Variants in HSPG2 observed in about 807,000 individuals in gnomAD.
The protein encoded by HSPG2 is basement membrane-specific heparan sulfate proteoglycan core protein.
A neutral mutation model predicts 526.6 loss-of-function variants in HSPG2; 278 were observed. The ratio of observed to expected loss-of-function variants is 0.53; its 90% CI spans 0.48 to 0.58. The LOEUF (loss-of-function observed/expected upper bound fraction) is 0.58. HSPG2 is among the 20% of genes least tolerant of loss of function. HSPG2 has a pLI of 0.00. For synonymous variants in HSPG2, 2,465 were observed against 2,555.4 expected, an observed-to-expected ratio of 0.96 and a Z score of 1.07; for missense variants, 5,354 against 6,099.5, an observed-to-expected ratio of 0.88 and a Z score of 4.07.
In HSPG2 at chr1:21,872,529, G is replaced by A; in HGVS notation, c.4029+91C>T. 1 of 1,483,364 alleles carries A rather than the reference G, an allele frequency of 6.7e-7. No homozygotes were observed. The highest frequency in any genetic ancestry group is 1.2e-5 in the South Asian group (1 of 82,444). 91.9% of individuals were successfully genotyped at this position (1,483,364 alleles called of 1,614,324 possible). A position where few individuals can be genotyped will look rare whatever the true frequency, so the allele number is the denominator to read the frequency against. On this transcript the variant is annotated intron_variant, in intron 32 of 96. Transcript: ENST00000374695. The surrounding 1 kb of genome is among the most constrained non-coding windows in gnomAD (Gnocchi z 5.5). ...GGGGGCATGTGAGGGTACTGAGGCG[G>A]GGATGAGGGTCGCTGGGCTCAGTGC... is the stretch of plus-strand genomic sequence containing the variant.
In HSPG2 at chr1:21,850,588, C is replaced by G. The variant is rs568188962; in HGVS notation, c.7159-90G>C. 1.1e-5 allele frequency: 15 copies of G among 1,399,702 alleles called. No individual in the cohort carries two copies. In the Admixed American group the frequency reaches 2.9e-4, roughly 27 times the overall value. The allele number at this position is 1,399,702 out of a possible 1,614,324, so 86.7% of individuals were successfully genotyped here. Reference sequence around the variant, plus strand: ...CCTGCCTCACTCTGACCCCCAAGGCCTGGCCATCAGCTCTGGATCAGTTTC... The same window carrying G: ...CCTGCCTCACTCTGACCCCCAAGGCGTGGCCATCAGCTCTGGATCAGTTTC... On this transcript the variant is annotated intron_variant, in intron 55 of 96. Transcript: ENST00000374695.
intron 29 of HSPG2, 138 bp from the exon 30 acceptor site, chr1:21,873,562 G>T: frequency 1.1e-6 from 1 of 921,086 alleles, no homozygotes; most frequent in South Asian, 1.4e-5. Flanking sequence ...ATGTTACGGG[G>T]AAACTGGGCA....
rs369278427 is a variant in HSPG2 at position 21,876,215 on chromosome 1, C to T, written c.3003+14G>A. 4.4e-6 allele frequency: 7 copies of T among 1,596,256 alleles called. No individual in the cohort carries two copies. The African/African-American group carries it at 8.0e-5, about 18-fold the overall frequency. On this transcript the variant is annotated intron_variant, in intron 23 of 96. Coordinates refer to ENST00000374695, the MANE Select transcript of HSPG2 (RefSeq NM_005529.7). Reference sequence around the variant, plus strand: ...CTGCCTGGAGTTTCCTTTGCCTTTCCACCCACTACCCACCTTGTCCCCCAG... The same window carrying T: ...CTGCCTGGAGTTTCCTTTGCCTTTCTACCCACTACCCACCTTGTCCCCCAG...
At chr1:21,852,542 G>A (rs1054983321) in intron 52 of HSPG2, among the ~76,000 whole-genome samples, 158 bp downstream of exon 52, 5 of 152,206 alleles carry the variant, frequency 3.3e-5, no homozygotes, top group Non-Finnish European at 5.9e-5. Context: ...ACGGGAAGGC[G>A]GTGGTTACTC....
At position 21,852,948 on chromosome 1, in the gene HSPG2, G is replaced by A. The variant is rs769577763; in HGVS notation, c.6562C>T (p.Arg2188Cys). The change falls in exon 51 of 97, where the codon CGT becomes TGT. Residue 2188 changes from arginine (R) to cysteine (C), a missense_variant. Transcript: ENST00000374695. ...QAHAQVTWHK[R>C]GGSLPARHQT... ...TGCCGGGCAGGGAGGCTGCCCCCAC[G>A]CTTGTGCCACGTGACCTGGGCGTGG... 2.5e-6 allele frequency: 4 copies of A among 1,613,392 alleles called. No homozygotes were observed. Among genetic ancestry groups the A allele is most frequent in the South Asian group, 1.1e-5 (1 of 91,058 alleles).
rs189993278 is a variant in HSPG2, at chr1:21,929,177, A to T, written c.63+7978T>A. On this transcript the variant is annotated intron_variant, in intron 1 of 96. Transcript: ENST00000374695. The stretch of plus-strand genomic sequence containing the variant: ...CCACTCTAGATGAGGGGGTAAGAAT[A>T]AATCTACAAGCCATGAGCTCCGGCT... Among the ~76,000 whole-genome samples, 28 of 152,310 alleles carry T rather than the reference A, an allele frequency of 1.8e-4. No individual in the cohort carries two copies. The East Asian group carries it at 5.2e-3, about 28-fold the overall frequency.
Position 21,852,480 on chromosome 1 carries a change from A to G in HSPG2, c.6724+220T>C, listed in dbSNP as rs528775352. 3.3e-5 allele frequency among the ~76,000 whole-genome samples: 5 copies of G among 152,326 alleles called. No individual in the cohort carries two copies. The East Asian group carries it at 9.6e-4, about 29-fold the overall frequency. On this transcript the variant is annotated intron_variant, in intron 52 of 96. Coordinates refer to ENST00000374695, the MANE Select transcript of HSPG2 (RefSeq NM_005529.7). ...GGGCAGAGATGAGTTGGAGAGAGGA[A>G]GAGGAGGTGGGAGGGGACGCCTGAG...
intron 13 of HSPG2, among the ~76,000 whole-genome samples, chr1:21,882,314 G>A (rs1641576082): frequency 6.6e-6 from 1 of 151,868 alleles, no homozygotes; most frequent in Admixed American, 6.6e-5. Context: ...AGAGGTATAA[G>A]CTAAAATGAG....
Position 21,822,487 on chromosome 1 carries a change from CATCCGTCCGTCCGTT to C in HSPG2, c.*814_*828del. On this transcript the variant is annotated 3_prime_UTR_variant, in exon 97 of 97. Transcript: ENST00000374695. ...ACTAGCTCTTCCTGAGCACCAGCGG[CATCCGTCCGTCCGTT>C]GTCTGTTGGAGGAGTCCCTGGGCCT... The C allele has an allele frequency of 2.3e-6, 1 of 426,082 alleles. No individual in the cohort carries two copies. The highest frequency in any genetic ancestry group is 4.4e-6 in the Non-Finnish European group (1 of 227,156). The allele number at this position is 426,082 out of a possible 1,614,324, so 26.4% of individuals were successfully genotyped here.
chr1:21,835,194 G>A (rs2098021490), intron 76 of HSPG2: 1 of 615,584 alleles, frequency 1.6e-6, no homozygotes, highest in East Asian at 2.8e-5. Context: ...TGTGATCACG[G>A]CTCACCACAG....
rs181975154 is a variant in HSPG2 at position 21,847,896 on chromosome 1, C to T, written c.7874-56G>A. ...CAGAGTGAGATAACAGTGATGGCAC[C>T]GGGGACCTCTCTGCCACCCTCTGCG... On this transcript the variant is annotated intron_variant, in intron 60 of 96. Transcript: ENST00000374695. This position sits in a 1 kb window ranked among gnomAD's most constrained non-coding sequence, Gnocchi z 4.1. 160 of 1,613,744 alleles carry T rather than the reference C, an allele frequency of 9.9e-5. 2 individuals carry two copies. The East Asian group carries it at 2.0e-3, about 20-fold the overall frequency.
rs373108824 is a variant in HSPG2, at chr1:21,880,612, A to G, written c.1998+44T>C. On this transcript the variant is annotated intron_variant, in intron 15 of 96. Coordinates refer to ENST00000374695, the MANE Select transcript of HSPG2 (RefSeq NM_005529.7). The stretch of plus-strand genomic sequence containing the variant: ...CACACATCAGTGCCTACCCAGCCTA[A>G]ATCCCCCTTTGCTCCCAGCCCTAAG... 6.2e-6 allele frequency: 10 copies of G among 1,601,844 alleles called. No individual in the cohort carries two copies. The African/African-American group carries it at 1.3e-4, about 21-fold the overall frequency.
intron 1 of HSPG2, among the ~76,000 whole-genome samples, chr1:21,909,144 A>G (rs752728545): frequency 2.0e-5 from 3 of 152,200 alleles, no homozygotes; most frequent in Non-Finnish European, 4.4e-5. Flanking sequence ...GGACAGAGCC[A>G]GAAGGAGTCA....
At chr1:21,860,544 T>G (rs1269383449) in intron 39 of HSPG2, among the ~76,000 whole-genome samples, 2 of 152,018 alleles carry the variant, frequency 1.3e-5, no homozygotes, top group Non-Finnish European at 2.9e-5. Flanking sequence ...CAGGCTCGAG[T>G]GCAGTGGTGC....
At position 21,848,543 on chromosome 1, in the gene HSPG2, ATGAC is replaced by A; in HGVS notation, c.7737+96_7737+99del. 7.3e-6 allele frequency: 10 copies of A among 1,364,734 alleles called. No individual in the cohort carries two copies. Among genetic ancestry groups the A allele is most frequent in the Non-Finnish European group, 1.0e-5 (10 of 958,360 alleles). The allele number at this position is 1,364,734 out of a possible 1,614,324, so 84.5% of individuals were successfully genotyped here. ...AGCAAGGATACTCAATGTTTGTTGA[ATGAC>A]TGAATGAGCACAGAGTGAGGTGCTG... On this transcript the variant is annotated intron_variant, in intron 59 of 96. Coordinates refer to ENST00000374695, the MANE Select transcript of HSPG2 (RefSeq NM_005529.7). This position sits in a 1 kb window ranked among gnomAD's most constrained non-coding sequence, Gnocchi z 4.9.
intron 74 of HSPG2, among the ~76,000 whole-genome samples, chr1:21,838,148 A>AAG (rs1259062848): frequency 2.7e-5 from 4 of 150,506 alleles, no homozygotes; most frequent in Non-Finnish European, 4.4e-5. Flanking sequence ...AAAAAAAAAA[A>AAG]AAAAAAAAAA....
In HSPG2 at chr1:21,890,732, C is replaced by T. The variant is rs1642298971; in HGVS notation, c.245-38G>A. On this transcript the variant is annotated intron_variant, in intron 3 of 96. Coordinates refer to ENST00000374695, the MANE Select transcript of HSPG2 (RefSeq NM_005529.7). This position sits in a 1 kb window ranked among gnomAD's most constrained non-coding sequence, Gnocchi z 4.1. ...AGGAGGATCATTTTGAGAGCCCCAG[C>T]CTGGCATCTAGTGGCCTTAGGCAGT... 6.7e-7 allele frequency: 1 copy of T among 1,500,030 alleles called. No individual in the cohort carries two copies. The highest frequency in any genetic ancestry group is 9.3e-7 in the Non-Finnish European group (1 of 1,080,866). The allele number at this position is 1,500,030 out of a possible 1,614,324, so 92.9% of individuals were successfully genotyped here. A position where few individuals can be genotyped will look rare whatever the true frequency, so the allele number is the denominator to read the frequency against.
chr1:21,830,841 C>A, intron 85 of HSPG2, 141 bp downstream of exon 85: 1 of 655,676 alleles, frequency 1.5e-6, no homozygotes. Flanking sequence ...GGGATGGGTA[C>A]ATGGGAGGAG....
intron 33 of HSPG2, chr1:21,869,329 A>G (rs988249265): frequency 2.4e-5 from 10 of 422,502 alleles, no homozygotes; most frequent in African/African-American, 6.5e-5. Flanking sequence ...GAGTTGGTAC[A>G]TGATTGATTT....
Sources: allele counts gnomAD v4.1 joint callset (sites outside exome capture counted in the v4.1 genomes callset), GRCh38; gene constraint gnomAD v4.1.1; non-coding constraint Gnocchi (gnomAD v3.1); transcripts MANE v1.5; gene names NCBI Gene and HGNC (gene_info 2026-07-23, HGNC 2026-07-21).